Variants in KHDRBS2 observed in about 807,000 individuals in gnomAD.
KHDRBS2 encodes the protein KH RNA binding domain containing, signal transduction associated 2, also known as KH domain-containing, RNA-binding, signal transduction-associated protein 2.
In KHDRBS2, 26 loss-of-function variants were observed where a neutral mutation model predicts 44.3. The observed-to-expected ratio is 0.59, with a 90% CI of 0.43 to 0.81. The LOEUF is 0.81. Ranked by LOEUF, KHDRBS2 falls within the 40% of genes least tolerant of loss-of-function variation. The pLI is 0.00. For missense variants in KHDRBS2, 476 were observed against 433.1 expected (o/e 1.10, Z -0.88); for synonymous variants, 194 against 151.1 (o/e 1.28, Z -2.08).
At chr6:62,228,466 T>TA (rs2150157283) in intron 1 of KHDRBS2, among the ~76,000 whole-genome samples, 1 of 152,262 alleles carries the variant, frequency 6.6e-6, no homozygotes, top group Admixed American at 6.5e-5. Flanking sequence ...TCTTATTTTT[T>TA]CAAAAAACCA....
At chr6:61,553,219 G>T in the KHDRBS2 span, among the ~76,000 whole-genome samples, 66 of 152,138 alleles carry the variant, frequency 4.3e-4, no homozygotes, top group Non-Finnish European at 7.4e-4. Flanking sequence ...TTTATTCCTG[G>T]TTTACTCTTG....
chr6:61,711,388 A>G (rs1322711181), intron 7 of KHDRBS2, among the ~76,000 whole-genome samples: 1 of 151,872 alleles, frequency 6.6e-6, no homozygotes, highest in Non-Finnish European at 1.5e-5. Flanking sequence ...TATATTCAAA[A>G]GATAGTTCAA....
intron 2 of KHDRBS2, among the ~76,000 whole-genome samples, chr6:62,075,655 G>C (rs1174724528): frequency 6.6e-6 from 1 of 151,858 alleles, no homozygotes; most frequent in Non-Finnish European, 1.5e-5. Flanking sequence ...TCTTTGTGTA[G>C]CTGGCATAAG....
At chr6:62,225,395 A>G (rs566406468) in intron 1 of KHDRBS2, among the ~76,000 whole-genome samples, 1 of 152,370 alleles carries the variant, frequency 6.6e-6, no homozygotes, top group East Asian at 1.9e-4. Flanking sequence ...GACTTAATCT[A>G]TTAATCAGCT....
At chr6:61,573,946 C>T in the KHDRBS2 span, among the ~76,000 whole-genome samples, 1 of 152,072 alleles carries the variant, frequency 6.6e-6, no homozygotes, top group African/African-American at 2.4e-5. Flanking sequence ...GACACATAGA[C>T]CAATGGAACA....
intron 6 of KHDRBS2, among the ~76,000 whole-genome samples, chr6:61,822,588 T>C (rs753654031): frequency 6.6e-6 from 1 of 152,068 alleles, no homozygotes; most frequent in Non-Finnish European, 1.5e-5. Context: ...TGGTTTTCCA[T>C]GATTCTTAGG....
rs180930213 is a variant in KHDRBS2, at chr6:61,933,633, T to C, written c.484-32262A>G. ...AGTATAGCCTATTGCTCATAGGCTC[T>C]AAACCTGTTCAGCATGTCAGTGTAT... On this transcript the variant is annotated intron_variant, in intron 4 of 8. Transcript: ENST00000281156. Among the ~76,000 whole-genome samples the C allele has an allele frequency of 3.3e-5, 5 of 152,282 alleles. No homozygotes were observed. In the East Asian group the frequency reaches 9.7e-4, roughly 29 times the overall value.
At chr6:62,190,983 C>T (rs1046555025) in intron 1 of KHDRBS2, among the ~76,000 whole-genome samples, 1 of 152,084 alleles carries the variant, frequency 6.6e-6, no homozygotes, top group African/African-American at 2.4e-5. Flanking sequence ...AACCAGTTTC[C>T]CTGAAAATCC....
At chr6:61,781,278 G>T (rs1329141952) in intron 6 of KHDRBS2, among the ~76,000 whole-genome samples, 1 of 151,856 alleles carries the variant, frequency 6.6e-6, no homozygotes. Context: ...ATATGTAATG[G>T]TTTTCCAAAA....
At chr6:61,568,797 T>C in the KHDRBS2 span, among the ~76,000 whole-genome samples, 2 of 152,334 alleles carry the variant, frequency 1.3e-5, no homozygotes, top group Non-Finnish European at 2.9e-5. Context: ...CATCCCTGAC[T>C]ATCTCTCACA....
At chr6:61,849,356 T>C (rs1390564695) in intron 6 of KHDRBS2, among the ~76,000 whole-genome samples, 3 of 152,106 alleles carry the variant, frequency 2.0e-5, no homozygotes, top group East Asian at 3.9e-4. Flanking sequence ...AAATTATTCC[T>C]TCACACAAAT....
chr6:62,097,668 C>A (rs1426764236), intron 2 of KHDRBS2, among the ~76,000 whole-genome samples: 4 of 151,920 alleles, frequency 2.6e-5, no homozygotes, highest in African/African-American at 9.7e-5. Flanking sequence ...TTTTTTCAAT[C>A]CATTCACTAA....
chr6:61,573,754 A>C, the KHDRBS2 span, among the ~76,000 whole-genome samples: 5 of 151,566 alleles, frequency 3.3e-5, no homozygotes, highest in Non-Finnish European at 5.9e-5. Flanking sequence ...GCGCCACTGC[A>C]CTCCAGCCTG....
chr6:62,078,494 T>G (rs538948362), intron 2 of KHDRBS2, among the ~76,000 whole-genome samples: 75 of 152,080 alleles, frequency 4.9e-4, no homozygotes, highest in African/African-American at 1.7e-3. Flanking sequence ...GGGAATAATT[T>G]TTATGACTAT....
chr6:62,171,760 T>C (rs555087980), intron 2 of KHDRBS2, among the ~76,000 whole-genome samples: 2 of 152,154 alleles, frequency 1.3e-5, no homozygotes, highest in Non-Finnish European at 2.9e-5. Context: ...CAGAAGAGAT[T>C]GAGGGCCTAT....
At chr6:61,876,805 C>T (rs1049938056) in intron 6 of KHDRBS2, among the ~76,000 whole-genome samples, 7 of 152,044 alleles carry the variant, frequency 4.6e-5, no homozygotes, top group Non-Finnish European at 1.0e-4. Context: ...TGTCATGCAG[C>T]CCCTATGAGA....
chr6:62,214,301 C>T (rs1829616438), intron 1 of KHDRBS2, among the ~76,000 whole-genome samples: 1 of 152,084 alleles, frequency 6.6e-6, no homozygotes, highest in African/African-American at 2.4e-5. Flanking sequence ...CAAATTAGAA[C>T]AGCCATTAAT....
At chr6:62,030,249 T>C (rs1784103984) in intron 3 of KHDRBS2, among the ~76,000 whole-genome samples, 2 of 152,236 alleles carry the variant, frequency 1.3e-5, no homozygotes, top group Admixed American at 6.6e-5. Context: ...AAGTCTGATA[T>C]AATTCTTTGG....
chr6:61,627,445 T>C, the KHDRBS2 span, among the ~76,000 whole-genome samples: 8 of 152,146 alleles, frequency 5.3e-5, no homozygotes, highest in Admixed American at 5.2e-4. Context: ...TTATGCTGAT[T>C]AGATGAGTAC....
Sources: gnomAD v4.1 joint callset for allele counts (sites outside exome capture counted in the v4.1 genomes callset) on GRCh38, gnomAD v4.1.1 for gene constraint, MANE v1.5 for transcripts, NCBI Gene and HGNC (gene_info 2026-07-23, HGNC 2026-07-21) for gene names.